TNFAIP3: variants seen among roughly 807,000 people sequenced by gnomAD.
TNFAIP3 encodes the protein tumor necrosis factor alpha-induced protein 3.
TNFAIP3 carries 9 observed loss-of-function variants against 72.4 expected under a neutral mutation model. The ratio of observed to expected loss-of-function variants is 0.12; its 90% confidence interval spans 0.07 to 0.22. The LOEUF (loss-of-function observed/expected upper bound fraction) is 0.22. Among genes scored for constraint, TNFAIP3 ranks in the 10% least tolerant of loss-of-function variants. TNFAIP3 has a pLI of 1.00. For synonymous variants in TNFAIP3, 339 were observed against 372.6 expected (o/e 0.91, Z 1.04); for missense variants, 833 against 1,018.7 (o/e 0.82, Z 2.48).
At chr6:137,873,800 G>A (rs5029936) in intron 2 of TNFAIP3, among the ~76,000 whole-genome samples, 9,337 of 152,300 alleles carry the variant, frequency 0.061, 351 homozygotes, top group African/African-American at 0.089. Flanking sequence ...AATACTGGCT[G>A]TGGAAGTATA....
At chr6:137,880,924 A>G in intron 8 of TNFAIP3, 111 bp from the exon 9 acceptor site, 1 of 1,196,194 alleles carries the variant, frequency 8.4e-7, no homozygotes, top group South Asian at 1.5e-5. Flanking sequence ...CAGGCAGGTA[A>G]AGCTCTTTGT....
At position 137,871,136 on chromosome 6, in the gene TNFAIP3, TC is replaced by T. The variant is rs2114455370; in HGVS notation, c.-15-75del. Reference sequence around the variant, plus strand: ...AATGACAAGATCAAACACTGGGGTTTCCTGCAGGCAGCTATAGAGGAGTCGT... The same window carrying T: ...AATGACAAGATCAAACACTGGGGTTTCTGCAGGCAGCTATAGAGGAGTCGT... On this transcript the variant is annotated intron_variant, in intron 1 of 8. Transcript: ENST00000612899. The surrounding 1 kb of genome is among the most constrained non-coding windows in gnomAD (Gnocchi z 4.2). 7.3e-7 allele frequency: 1 copy of T among 1,375,924 alleles called. No homozygotes were observed. The highest frequency in any genetic ancestry group is 1.4e-5 in the South Asian group (1 of 70,006). The allele number at this position is 1,375,924 out of a possible 1,614,324, so 85.2% of individuals were successfully genotyped here. A position where few individuals can be genotyped will look rare whatever the true frequency, so the allele number is the denominator to read the frequency against.
At chr6:137,873,561 G>A (rs1776131504) in intron 2 of TNFAIP3, among the ~76,000 whole-genome samples, 1 of 152,132 alleles carries the variant, frequency 6.6e-6, no homozygotes, top group African/African-American at 2.4e-5. Context: ...TTAGCACTGG[G>A]GAATTCCAGA....
chr6:137,875,877 C>T (rs2114483760), intron 4 of TNFAIP3, 42 bp downstream of exon 4: 1 of 1,611,362 alleles, frequency 6.2e-7, no homozygotes. Flanking sequence ...TAAATGCTTT[C>T]AGCCTTATGC....
intron 2 of TNFAIP3, among the ~76,000 whole-genome samples, chr6:137,873,115 CT>C (rs1393497782): frequency 1.3e-5 from 2 of 152,018 alleles, no homozygotes; most frequent in Non-Finnish European, 2.9e-5. Flanking sequence ...ACTCAGAGTC[CT>C]TTTGTTTCTT....
At position 137,881,236 on chromosome 6, in the gene TNFAIP3, G is replaced by C. The variant is rs1582897255; in HGVS notation, c.2290G>C (p.Ala764Pro). The change falls in exon 9 of 9, where the codon GCC (alanine) becomes CCC (proline). Residue 764 changes from alanine (A) to proline (P), a missense_variant. Around this residue, in one of 2 missense-constraint regions of TNFAIP3, gnomAD observed 587 missense variants for 657.8 expected, o/e 0.89. Transcript: ENST00000612899. This position sits in a 1 kb window ranked among gnomAD's most constrained non-coding sequence, Gnocchi z 5.0. ...AGACCCCCCCAAGCAGCGTTGCCGG[G>C]CCCCCGCCTGTGATCATTTTGGCAA... ...PEDPPKQRCR[A>P]PACDHFGNAK... is the part of the protein sequence containing the mutation. 6.2e-7 allele frequency: 1 copy of C among 1,600,858 alleles called. No individual in the cohort carries two copies.
In TNFAIP3 at chr6:137,879,155, C is replaced by G. The variant is rs542739083; in HGVS notation, c.1710C>G (p.Leu570=). The G allele has an allele frequency of 1.9e-6, 3 of 1,614,132 alleles. No homozygotes were observed. The highest frequency in any genetic ancestry group is 2.5e-6 in the Non-Finnish European group (3 of 1,180,036). Reference sequence around the variant, plus strand: ...GTTCCAAGTCAGATCCCTCGCGGCTCGTCCGGAGCCCCTCCCCGCATTCTT... The same window carrying G: ...GTTCCAAGTCAGATCCCTCGCGGCTGGTCCGGAGCCCCTCCCCGCATTCTT... The part of the protein sequence containing the change: ...HQRSKSDPSR[L]VRSPSPHSCH... Residue 570 remains leucine (L), a synonymous_variant, in exon 7 of 9, where the codon CTC becomes CTG. Transcript: ENST00000612899.
At position 137,880,322 on chromosome 6, in the gene TNFAIP3, G is replaced by T. The variant is rs551298480; in HGVS notation, c.2088+70G>T. 660 of 1,530,420 alleles carry T rather than the reference G, an allele frequency of 4.3e-4. 1 individual carries two copies. The highest frequency in any genetic ancestry group is 5.6e-4 in the Non-Finnish European group (620 of 1,115,042). 94.8% of individuals were successfully genotyped at this position (1,530,420 alleles called of 1,614,324 possible). ...GCTTTTTGCTGGAGCGTTTTCTACC[G>T]ACAGTGACAAGCAGGCTTTCCTCTC... is the stretch of plus-strand genomic sequence containing the variant. On this transcript the variant is annotated intron_variant, in intron 8 of 8. Coordinates refer to ENST00000612899, the MANE Select transcript of TNFAIP3 (RefSeq NM_001270508.2).
Position 137,879,246 on chromosome 6 carries a change from A to C in TNFAIP3, c.1801A>C (p.Arg601=). ...LSQAARTPGD[R]TGTSKCRKAG... is the part of the protein sequence containing the mutation. ...TCAAGCTGCACGGACTCCTGGGGAC[A>C]GGACGGGGACGAGCAAGTGCAGAAA... The change falls in exon 7 of 9, where the codon AGG becomes CGG. Residue 601 remains arginine, a synonymous_variant. Transcript: ENST00000612899. The C allele has an allele frequency of 6.2e-7, 1 of 1,614,254 alleles. No homozygotes were observed. Among genetic ancestry groups the C allele is most frequent in the Non-Finnish European group, 8.5e-7 (1 of 1,180,046 alleles).
In TNFAIP3 at chr6:137,876,103, A is replaced by C; in HGVS notation, c.742A>C (p.Ile248Leu). Reference protein sequence around the residue: ...WPAQECYRYPIVLGYDSHHFV... With the variant: ...WPAQECYRYPLVLGYDSHHFV... ...TGCCCAGGAATGCTACAGATACCCC[A>C]TTGTTCTCGGCTATGACAGCCATCA... The change falls in exon 5 of 9, where the codon ATT (isoleucine) becomes CTT (leucine). Residue 248 changes from isoleucine to leucine, a missense_variant. Around this residue, in one of 2 missense-constraint regions of TNFAIP3, gnomAD observed 246 missense variants for 360.9 expected, o/e 0.68. Transcript: ENST00000612899. The C allele has an allele frequency of 6.2e-7, 1 of 1,614,144 alleles. No individual in the cohort carries two copies. The highest frequency in any genetic ancestry group is 1.1e-5 in the South Asian group (1 of 91,070).
In TNFAIP3 at chr6:137,881,094, C is replaced by T. The variant is rs1776438750; in HGVS notation, c.2148C>T (p.Cys716=). Residue 716 remains cysteine (C), a synonymous_variant, in exon 9 of 9, where the codon TGC becomes TGT. Transcript: ENST00000612899. The surrounding 1 kb of genome is among the most constrained non-coding windows in gnomAD (Gnocchi z 5.0). ...CACAAAGCACCTCAAGGCCCAAGTGCGCCCGGGCCTCCTGCAAGAACATCC... is the reference window on the plus strand; with the variant it reads ...CACAAAGCACCTCAAGGCCCAAGTGTGCCCGGGCCTCCTGCAAGAACATCC... ...RTTQSTSRPK[C]ARASCKNILA... is the part of the protein sequence containing the mutation. The T allele has an allele frequency of 3.7e-6, 6 of 1,613,840 alleles. No individual in the cohort carries two copies. The highest frequency in any genetic ancestry group is 4.5e-5 in the East Asian group (2 of 44,836).
chr6:137,868,451 G>A (rs987074515), intron 1 of TNFAIP3, among the ~76,000 whole-genome samples: 2 of 152,196 alleles, frequency 1.3e-5, no homozygotes, highest in East Asian at 3.9e-4. Context: ...TGTTTAAGGT[G>A]CTGCTTTGAT....
intron 2 of TNFAIP3, among the ~76,000 whole-genome samples, chr6:137,872,967 A>G (rs916566159): frequency 3.3e-5 from 5 of 152,124 alleles, no homozygotes; most frequent in Non-Finnish European, 4.4e-5. Flanking sequence ...CTCTATTTCC[A>G]CTAGAAAAAA....
rs587778712 is a variant in TNFAIP3 at position 137,879,096 on chromosome 6, C to T, written c.1651C>T (p.Leu551Phe). 33 of 1,614,188 alleles carry T rather than the reference C, an allele frequency of 2.0e-5. 1 individual carries two copies. In the South Asian group the frequency reaches 3.5e-4, roughly 17 times the overall value. ...GACTACAGCAGAGGCCTCCTCCAGC[C>T]TCAGCACCAGCCTCCCTCCTTCCTG... The part of the protein sequence containing the change: ...KRTTAEASSS[L>F]STSLPPSCHQ... Residue 551 changes from leucine to phenylalanine, a missense_variant, in exon 7 of 9, where the codon CTC (leucine) becomes TTC (phenylalanine). Physicochemically the swap from Leu to Phe is conservative, Grantham distance 22. Transcript: ENST00000612899.
intron 2 of TNFAIP3, among the ~76,000 whole-genome samples, chr6:137,872,630 C>T (rs1365385533): frequency 6.6e-6 from 1 of 152,098 alleles, no homozygotes; most frequent in African/African-American, 2.4e-5. Flanking sequence ...GTACATTACC[C>T]CAACGTCTTG....
At chr6:137,866,987 G>T (rs1283594752), upstream of TNFAIP3, 1 of 148,476 alleles carries the variant, frequency 6.7e-6, no homozygotes, top group African/African-American at 2.5e-5. Context: ...CTCACGCGGG[G>T]ACACCCCGGG....
rs1312562806 is a variant in TNFAIP3 at position 137,881,472 on chromosome 6, G to A, written c.*153G>A. The A allele has an allele frequency of 1.1e-5, 7 of 660,352 alleles. No homozygotes were observed. The highest frequency in any genetic ancestry group is 6.2e-5 in the East Asian group (2 of 32,074). 40.9% of individuals were successfully genotyped at this position (660,352 alleles called of 1,614,324 possible). A position where few individuals can be genotyped will look rare whatever the true frequency, so the allele number is the denominator to read the frequency against. Reference sequence around the variant, plus strand: ...AAGATAAGCTCTTCGTGGTGCCCACGATGCTCAGGTTTGGTAACCCGGGAG... The same window carrying A: ...AAGATAAGCTCTTCGTGGTGCCCACAATGCTCAGGTTTGGTAACCCGGGAG... On this transcript the variant is annotated 3_prime_UTR_variant, in exon 9 of 9. Transcript: ENST00000612899. The surrounding 1 kb of genome is among the most constrained non-coding windows in gnomAD (Gnocchi z 5.0).
At position 137,871,676 on chromosome 6, in the gene TNFAIP3, T is replaced by C. The variant is rs1004491580; in HGVS notation, c.295+154T>C. Among the ~76,000 whole-genome samples the C allele has an allele frequency of 1.6e-4, 24 of 152,208 alleles. No homozygotes were observed. The highest frequency in any genetic ancestry group is 5.3e-4 in the African/African-American group (22 of 41,446). ...ATATAGAATCTCTATTCGGGGTATG[T>C]GATAATAGCAGACTTGTTTTGTGAA... On this transcript the variant is annotated intron_variant, in intron 2 of 8. Transcript: ENST00000612899. This position sits in a 1 kb window ranked among gnomAD's most constrained non-coding sequence, Gnocchi z 4.2.
At chr6:137,874,110 T>G (rs1303299412) in intron 2 of TNFAIP3, among the ~76,000 whole-genome samples, 1 of 152,258 alleles carries the variant, frequency 6.6e-6, no homozygotes, top group Non-Finnish European at 1.5e-5. Context: ...TTTGTTTTTC[T>G]TCTCAAAATG....
Sources: allele counts gnomAD v4.1 joint callset (sites outside exome capture counted in the v4.1 genomes callset), GRCh38; gene constraint gnomAD v4.1.1; regional missense constraint gnomAD v4.1.1; non-coding constraint Gnocchi (gnomAD v3.1); transcripts MANE v1.5; gene names NCBI Gene and HGNC (gene_info 2026-07-23, HGNC 2026-07-21).